Variants in DMD observed in about 807,000 individuals in gnomAD.
DMD encodes dystrophin, also known as mutant dystrophin.
A neutral mutation model predicts 330.1 loss-of-function variants in DMD; 63 were observed. The observed-to-expected ratio is 0.19, with a 90% CI of 0.16 to 0.24. DMD has a LOEUF of 0.24. Among genes scored for constraint, DMD ranks in the 10% least tolerant of loss-of-function variants. DMD has a pLI of 1.00. For synonymous variants in DMD, 1,223 were observed against 959.8 expected, an observed-to-expected ratio of 1.27 and a Z score of -5.07; for missense variants, 3,344 against 2,684.1, an observed-to-expected ratio of 1.25 and a Z score of -5.43.
chrX:32,375,628 T>A (rs933328711), intron 34 of DMD, among the ~76,000 whole-genome samples: 1 of 112,230 alleles, frequency 8.9e-6, no homozygotes, highest in African/African-American at 3.2e-5. Context: ...TTAAGTGTCC[T>A]GTTCATATCC....
At position 31,349,985 on chromosome X, in the gene DMD, C is replaced by T. The variant is rs1042053532; in HGVS notation, c.9085-1351G>A. ...GTGCCTAGTGTATATCCAGAACAAT[C>T]TCATTTTTTCACTCTCTCCCTAGAC... On this transcript the variant is annotated intron_variant, in intron 60 of 78. Transcript: ENST00000357033. Among the ~76,000 whole-genome samples the T allele has an allele frequency of 2.7e-5, 3 of 111,809 alleles. No homozygotes were observed. The Admixed American group carries it at 2.8e-4, about 11-fold the overall frequency.
chrX:31,904,789 G>A (rs1236718665), intron 47 of DMD, among the ~76,000 whole-genome samples: 1 of 111,611 alleles, frequency 9.0e-6, no homozygotes, highest in Non-Finnish European at 1.9e-5. Flanking sequence ...CCGAAGCAAA[G>A]AATATGGATA....
At chrX:32,848,882 T>C (rs1477359729) in intron 3 of DMD, among the ~76,000 whole-genome samples, 1 of 106,469 alleles carries the variant, frequency 9.4e-6, no homozygotes, top group Non-Finnish European at 2.0e-5. Context: ...GAGAAAAGAG[T>C]GGCTTAGCGT....
chrX:33,009,749 T>A (rs1353757234), intron 2 of DMD, among the ~76,000 whole-genome samples: 1 of 52,516 alleles, frequency 1.9e-5, no homozygotes, highest in Non-Finnish European at 3.6e-5. Flanking sequence ...CACACATATG[T>A]GTATATGTGT....
intron 30 of DMD, among the ~76,000 whole-genome samples, chrX:32,395,400 C>T (rs1327679339): frequency 1.2e-5 from 1 of 85,450 alleles, no homozygotes; most frequent in African/African-American, 4.5e-5. Flanking sequence ...GAAAAACTAA[C>T]ATCACACACC....
At chrX:31,829,800 C>T (rs1031104768) in intron 49 of DMD, among the ~76,000 whole-genome samples, 6 of 112,116 alleles carry the variant, frequency 5.4e-5, no homozygotes, top group Admixed American at 9.5e-5. Context: ...ACTCTACCTA[C>T]GGCTGTATAT....
intron 62 of DMD, among the ~76,000 whole-genome samples, chrX:31,296,194 G>A (rs1469981423): frequency 1.8e-5 from 2 of 110,847 alleles, no homozygotes; most frequent in East Asian, 5.6e-4. Context: ...TGTTGATCTG[G>A]AGTGGTTTCC....
At chrX:33,182,442 A>AT (rs925176184) in intron 1 of DMD, among the ~76,000 whole-genome samples, 44 of 103,734 alleles carry the variant, frequency 4.2e-4, no homozygotes, top group Admixed American at 6.2e-4. Flanking sequence ...ATTTCTTTTC[A>AT]TTTTTTTTTT....
At chrX:32,446,990 T>TA (rs2098308065) in intron 27 of DMD, among the ~76,000 whole-genome samples, 1 of 110,322 alleles carries the variant, frequency 9.1e-6, no homozygotes, top group Admixed American at 9.6e-5. Flanking sequence ...TACGAAAACT[T>TA]AAGAAAATCC....
Position 31,367,937 on chromosome X carries a change from C to T in DMD, c.9085-19303G>A, listed in dbSNP as rs1405974535. ...ATTCTATTGACACCAAGAAGACTGA[C>T]ACTGCCGCTGCTCTGCTCCACTTTG... On this transcript the variant is annotated intron_variant, in intron 60 of 78. Coordinates refer to ENST00000357033, the MANE Select transcript of DMD (RefSeq NM_004006.3). Among the ~76,000 whole-genome samples the T allele has an allele frequency of 3.0e-4, 34 of 112,095 alleles. 1 individual carries two copies. The Admixed American group carries it at 3.1e-3, about 10-fold the overall frequency.
At chrX:33,337,920 T>A (rs971958593) in intron 1 of DMD, among the ~76,000 whole-genome samples, 4 of 111,767 alleles carry the variant, frequency 3.6e-5, no homozygotes, top group Non-Finnish European at 7.5e-5. Context: ...CGAGTAGCAC[T>A]GTGTACACTG....
intron 11 of DMD, among the ~76,000 whole-genome samples, chrX:32,633,652 T>C (rs891302203): frequency 1.8e-5 from 2 of 111,940 alleles, no homozygotes; most frequent in African/African-American, 6.5e-5. Flanking sequence ...GAGTAATTTA[T>C]AAAGAAAAGA....
chrX:33,235,977 G>A (rs1334765815), intron 1 of DMD, among the ~76,000 whole-genome samples: 4 of 104,785 alleles, frequency 3.8e-5, no homozygotes, highest in African/African-American at 1.0e-4. Flanking sequence ...GTGCAGTGGC[G>A]CGATCTCGGC....
intron 60 of DMD, among the ~76,000 whole-genome samples, chrX:31,406,764 C>T (rs1359314907): frequency 9.0e-6 from 1 of 111,143 alleles, no homozygotes; most frequent in African/African-American, 3.3e-5. Context: ...TGTCCAATTG[C>T]AGAGCCCCTG....
intron 56 of DMD, among the ~76,000 whole-genome samples, chrX:31,505,120 A>C (rs997080369): frequency 2.0e-4 from 22 of 112,364 alleles, no homozygotes; most frequent in Non-Finnish European, 3.0e-4. Context: ...TCTTTTGTGC[A>C]GAAAAGAATA....
intron 2 of DMD, among the ~76,000 whole-genome samples, chrX:32,966,961 C>T (rs2092181951): frequency 8.9e-6 from 1 of 112,051 alleles, no homozygotes; most frequent in Non-Finnish European, 1.9e-5. Flanking sequence ...ATAAAGCCAA[C>T]ACTACCCATG....
chrX:32,016,563 G>A (rs1024876620), intron 44 of DMD, among the ~76,000 whole-genome samples: 7 of 112,150 alleles, frequency 6.2e-5, no homozygotes, highest in Non-Finnish European at 1.3e-4. Flanking sequence ...AGGTACATAC[G>A]TAACATCTTC....
chrX:32,786,977 C>T (rs962440097), intron 7 of DMD, among the ~76,000 whole-genome samples: 7 of 111,676 alleles, frequency 6.3e-5, no homozygotes, highest in African/African-American at 2.0e-4. Context: ...GTATGTATTA[C>T]TCCCAGCTTC....
intron 34 of DMD, among the ~76,000 whole-genome samples, chrX:32,372,551 G>C (rs543197313): frequency 8.9e-6 from 1 of 111,734 alleles, no homozygotes; most frequent in African/African-American, 3.2e-5. Context: ...AAAAGGAAAA[G>C]TATCTGAACA....
Sources: gnomAD v4.1 joint callset for allele counts (sites outside exome capture counted in the v4.1 genomes callset) on GRCh38, gnomAD v4.1.1 for gene constraint, MANE v1.5 for transcripts, NCBI Gene and HGNC (gene_info 2026-07-23, HGNC 2026-07-21) for gene names.